BRAF: variants seen among roughly 807,000 people sequenced by gnomAD.
The protein encoded by BRAF is serine/threonine-protein kinase B-raf.
In BRAF, 16 loss-of-function variants were observed where a neutral mutation model predicts 104.6. That is an observed-to-expected ratio of 0.15 (90% CI 0.10 to 0.23). The LOEUF (loss-of-function observed/expected upper bound fraction) is 0.23, where lower values mean the gene tolerates loss of function less well. Ranked by LOEUF, BRAF falls within the 10% of genes least tolerant of loss-of-function variation. BRAF has a pLI of 1.00. For synonymous variants in BRAF, 310 were observed against 341.6 expected (o/e 0.91, Z 1.02); for missense variants, 541 against 937.3 (o/e 0.58, Z 5.52).
chr7:140,907,790 G>C (rs1489758880), intron 1 of BRAF, among the ~76,000 whole-genome samples: 1 of 151,624 alleles, frequency 6.6e-6, no homozygotes, highest in Non-Finnish European at 1.5e-5. Context: ...TATAGGCCAG[G>C]CTGGAGTGCA....
At chr7:140,807,472 TA>T (rs139960011) in intron 5 of BRAF, among the ~76,000 whole-genome samples, 1 of 150,266 alleles carries the variant, frequency 6.7e-6, no homozygotes. Flanking sequence ...CCTGTTGAAT[TA>T]AAAAAAAATA....
chr7:140,801,483 T>C lies in BRAF; in HGVS notation c.789A>G (p.Thr263=), dbSNP rs986525858. The change falls in exon 6 of 20, where the codon ACA becomes ACG. Residue 263 remains threonine (T), a synonymous_variant. Coordinates refer to ENST00000644969, the MANE Select transcript of BRAF (RefSeq NM_001374258.1). The stretch of plus-strand genomic sequence containing the variant: ...AACGCTGGTGAAATTTATAACCACA[T>C]GTTTGACAGCGGAAACCCTGGAAAA... ...KLLFQGFRCQ[T]CGYKFHQRCS... is the part of the protein sequence containing the mutation. The C allele has an allele frequency of 2.5e-6, 4 of 1,613,938 alleles. No individual in the cohort carries two copies. Among genetic ancestry groups the C allele is most frequent in the Admixed American group, 3.3e-5 (2 of 60,002 alleles).
chr7:140,839,694 C>G (rs1401171170), intron 2 of BRAF, among the ~76,000 whole-genome samples: 7 of 152,230 alleles, frequency 4.6e-5, no homozygotes, highest in Non-Finnish European at 7.3e-5. Context: ...CATGCCACTA[C>G]ACTCCAACCT....
chr7:140,794,631 C>T (rs575667447), intron 7 of BRAF, among the ~76,000 whole-genome samples, 164 bp from the exon 8 acceptor site: 4 of 152,168 alleles, frequency 2.6e-5, no homozygotes, highest in African/African-American at 9.6e-5. Flanking sequence ...ATTTAAAAAT[C>T]CAATACTGCC....
intron 1 of BRAF, among the ~76,000 whole-genome samples, chr7:140,909,935 C>T (rs1174065280): frequency 6.6e-6 from 1 of 151,944 alleles, no homozygotes; most frequent in African/African-American, 2.4e-5. Context: ...CATCAAAGTC[C>T]AGCAAGTCAT....
At chr7:140,865,387 G>A (rs556907921) in intron 1 of BRAF, among the ~76,000 whole-genome samples, 7 of 152,060 alleles carry the variant, frequency 4.6e-5, no homozygotes, top group Admixed American at 1.3e-4. Flanking sequence ...GCCAGCAAAC[G>A]CATTTTTAAT....
At chr7:140,834,461 T>C in intron 3 of BRAF, 148 bp downstream of exon 3, 1 of 1,119,688 alleles carries the variant, frequency 8.9e-7, no homozygotes. Context: ...TGCCACCAAA[T>C]AATTACATAT....
At chr7:140,852,258 A>T (rs1355102372) in intron 1 of BRAF, among the ~76,000 whole-genome samples, 1 of 151,994 alleles carries the variant, frequency 6.6e-6, no homozygotes, top group Non-Finnish European at 1.5e-5. Context: ...AGTCCCAGGT[A>T]CTCAGAAGGC....
At chr7:140,866,562 T>C (rs912229383) in intron 1 of BRAF, among the ~76,000 whole-genome samples, 1 of 152,142 alleles carries the variant, frequency 6.6e-6, no homozygotes, top group Non-Finnish European at 1.5e-5. Context: ...AAAAATTCTA[T>C]ATTCTGGGTA....
intron 19 of BRAF, among the ~76,000 whole-genome samples, chr7:140,727,284 A>C (rs1395789484): frequency 2.0e-5 from 3 of 151,110 alleles, no homozygotes; most frequent in African/African-American, 7.3e-5. Flanking sequence ...CCTGGGTTCA[A>C]GTGATTCTCC....
chr7:140,913,576 T>C (rs1238524403), intron 1 of BRAF, among the ~76,000 whole-genome samples: 5 of 130,598 alleles, frequency 3.8e-5, no homozygotes, highest in South Asian at 2.6e-4. Flanking sequence ...TCCGACTCCC[T>C]GATTGAAGCG....
intron 18 of BRAF, among the ~76,000 whole-genome samples, chr7:140,736,469 C>T (rs545514018): frequency 5.3e-4 from 80 of 151,504 alleles, no homozygotes; most frequent in African/African-American, 1.9e-3. Flanking sequence ...CTCTTGTTGC[C>T]CAGGCTGGAG....
At chr7:140,845,632 A>G (rs1052244597) in intron 2 of BRAF, among the ~76,000 whole-genome samples, 1 of 152,128 alleles carries the variant, frequency 6.6e-6, no homozygotes, top group Non-Finnish European at 1.5e-5. Context: ...TCAGCACCAT[A>G]ATAAGGTATC....
intron 1 of BRAF, among the ~76,000 whole-genome samples, chr7:140,862,574 T>C (rs181697862): frequency 6.6e-6 from 1 of 152,260 alleles, no homozygotes; most frequent in African/African-American, 2.4e-5. Flanking sequence ...TTTACATAAT[T>C]AAATTCCAGA....
chr7:140,832,107 CT>C (rs1234404057), intron 3 of BRAF, among the ~76,000 whole-genome samples: 5 of 152,238 alleles, frequency 3.3e-5, no homozygotes, highest in African/African-American at 1.2e-4. Context: ...TTTTATTATT[CT>C]TTTTACATAT....
chr7:140,724,487 GAC>G lies in BRAF; in HGVS notation c.*2005_*2006del, dbSNP rs1795491947. On this transcript the variant is annotated 3_prime_UTR_variant, in exon 20 of 20. Transcript: ENST00000644969. ...CCTTTGCAATTTCTGAATTTTGTAA[GAC>G]ACTGCCCTGCTGATGTAAAACTTAA... is the stretch of plus-strand genomic sequence containing the variant. 3.8e-6 allele frequency: 4 copies of G among 1,053,428 alleles called. No individual in the cohort carries two copies. The South Asian group carries it at 1.8e-4, about 48-fold the overall frequency. The allele number at this position is 1,053,428 out of a possible 1,614,324, so 65.3% of individuals were successfully genotyped here.
Position 140,924,637 on chromosome 7 carries a change from T to C in BRAF, c.67A>G (p.Met23Val), listed in dbSNP as rs1818671266. The change falls in exon 1 of 20, where the codon ATG becomes GTG. Residue 23 changes from methionine to valine, a missense_variant. Met to Val is a conservative substitution (Grantham distance 21, BLOSUM62 1). Coordinates refer to ENST00000644969, the MANE Select transcript of BRAF (RefSeq NM_001374258.1). This position sits in a 1 kb window ranked among gnomAD's most constrained non-coding sequence, Gnocchi z 4.2. ...GCGCCGGCGCCGGCCTCGGGCTCCATGTCCCCGTTGAACAGAGCCTGGCCC... is the reference window on the plus strand; with the variant it reads ...GCGCCGGCGCCGGCCTCGGGCTCCACGTCCCCGTTGAACAGAGCCTGGCCC... ...EPGQALFNGD[M>V]EPEAGAGAGA... 3 of 1,474,630 alleles carry C rather than the reference T, an allele frequency of 2.0e-6. No individual in the cohort carries two copies. Among genetic ancestry groups the C allele is most frequent in the Non-Finnish European group, 2.7e-6 (3 of 1,101,190 alleles). 91.3% of individuals were successfully genotyped at this position (1,474,630 alleles called of 1,614,324 possible).
In BRAF at chr7:140,794,447, G is replaced by C; in HGVS notation, c.1001C>G (p.Pro334Arg). ...AATTGGAATGGATTTTGAAGGAGAC[G>C]GACTGGTGAGAATTTGGGGCCTGGA... Reference protein sequence around the residue: ...DSIGPQILTSPSPSKSIPIPQ... With the variant: ...DSIGPQILTSRSPSKSIPIPQ... The change falls in exon 8 of 20, where the codon CCG becomes CGG. Residue 334 changes from proline to arginine, a missense_variant. Around this residue, in one of 10 missense-constraint regions of BRAF, gnomAD observed 79 missense variants for 74.6 expected, o/e 1.06. Transcript: ENST00000644969. 6.2e-7 allele frequency: 1 copy of C among 1,613,812 alleles called. No individual in the cohort carries two copies. The highest frequency in any genetic ancestry group is 8.5e-7 in the Non-Finnish European group (1 of 1,179,954).
intron 15 of BRAF, chr7:140,753,889 AATAG>A (rs973886595): frequency 9.9e-5 from 45 of 453,730 alleles, no homozygotes; most frequent in Non-Finnish European, 1.4e-4. Flanking sequence ...GAAAGGGACT[AATAG>A]ATAGCTACAA....
Sources: allele counts gnomAD v4.1 joint callset (sites outside exome capture counted in the v4.1 genomes callset), GRCh38; gene constraint gnomAD v4.1.1; regional missense constraint gnomAD v4.1.1; non-coding constraint Gnocchi (gnomAD v3.1); transcripts MANE v1.5; gene names NCBI Gene and HGNC (gene_info 2026-07-23, HGNC 2026-07-21).